The following CA13 variants were observed in gnomAD, a reference collection of about 807,000 sequenced individuals.
CA13 encodes the protein CA-XIII.
In CA13, 21 loss-of-function variants were observed where a neutral mutation model predicts 31.5. That is an observed-to-expected ratio of 0.67 (90% CI 0.47 to 0.96). CA13 has a LOEUF of 0.96. Ranked by LOEUF, CA13 falls within the 40% of genes least tolerant of loss-of-function variation. The pLI, the probability that CA13 is intolerant of heterozygous loss-of-function variation, is 0.00. For missense variants in CA13, 315 were observed against 318.9 expected (o/e 0.99, Z 0.09); for synonymous variants, 117 against 111.4 (o/e 1.05, Z -0.32).
Position 85,250,759 on chromosome 8 carries a change from A to AT in CA13, c.62dup (p.Ile23TyrfsTer3). On this transcript the variant is annotated frameshift_variant, in exon 2 of 7. Transcript: ENST00000321764. LOFTEE classifies it high-confidence loss of function. The stretch of plus-strand genomic sequence containing the variant: ...TTTAAGGTCCTATTCACTGGAAGGA[A>AT]TTTTTCCCTATTGCTGATGGTGATC... The AT allele has an allele frequency of 6.2e-7, 1 of 1,612,710 alleles. No individual in the cohort carries two copies.
rs1270969293 is a variant in CA13 at position 85,281,499 on chromosome 8, G to T, written c.*150G>T. 4 of 1,383,640 alleles carry T rather than the reference G, an allele frequency of 2.9e-6. No homozygotes were observed. The highest frequency in any genetic ancestry group is 1.5e-5 in the African/African-American group (1 of 68,378). The allele number at this position is 1,383,640 out of a possible 1,614,324, so 85.7% of individuals were successfully genotyped here. A position where few individuals can be genotyped will look rare whatever the true frequency, so the allele number is the denominator to read the frequency against. ...AGCTTCAGTGTCACAAAGAAAACCA[G>T]ATCTCTCTCTCTTTTTTTTTTATTT... is the stretch of plus-strand genomic sequence containing the variant. On this transcript the variant is annotated 3_prime_UTR_variant, in exon 7 of 7. Coordinates refer to ENST00000321764, the MANE Select transcript of CA13 (RefSeq NM_198584.3).
chr8:85,250,967 G>T, intron 2 of CA13, 30 bp downstream of exon 2: 1 of 1,535,966 alleles, frequency 6.5e-7, no homozygotes, highest in South Asian at 1.1e-5. Flanking sequence ...TGTGTGTGGT[G>T]GTGGATGAAG....
Position 85,245,833 on chromosome 8 carries a change from C to CGAGGCT in CA13, c.6_11dup (p.Arg3_Leu4dup). The CGAGGCT allele has an allele frequency of 6.2e-7, 1 of 1,614,152 alleles. No individual in the cohort carries two copies. The highest frequency in any genetic ancestry group is 8.5e-7 in the Non-Finnish European group (1 of 1,180,002). ...TTCCTTCCACCCCGAGGGACCATGT[C>CGAGGCT]GAGGCTCAGCTGGGGATACCGCGAG... is the stretch of plus-strand genomic sequence containing the variant. On this transcript the variant is annotated inframe_insertion, in exon 1 of 7. Coordinates refer to ENST00000321764, the MANE Select transcript of CA13 (RefSeq NM_198584.3).
chr8:85,268,677 C>CTTT, intron 6 of CA13, 50 bp downstream of exon 6: 64 of 974,480 alleles, frequency 6.6e-5, no homozygotes, highest in South Asian at 2.8e-4. Flanking sequence ...GGAAACTGGG[C>CTTT]TTTTTTTTTT....
rs115801295 is a variant in CA13, at chr8:85,263,118, G to A, written c.355-3490G>A. 3.8e-3 allele frequency among the ~76,000 whole-genome samples: 574 copies of A among 152,258 alleles called. 4 individuals are homozygous for A. Among genetic ancestry groups the A allele is most frequent in the African/African-American group, 0.013 (540 of 41,540 alleles). Reference sequence around the variant, plus strand: ...TCTAGAGAGACCTTTCCAGGAAGTGGGAGCAGCAAGCTCAAGTTCTCTAAG... The same window carrying A: ...TCTAGAGAGACCTTTCCAGGAAGTGAGAGCAGCAAGCTCAAGTTCTCTAAG... On this transcript the variant is annotated intron_variant, in intron 3 of 6. Coordinates refer to ENST00000321764, the MANE Select transcript of CA13 (RefSeq NM_198584.3).
chr8:85,265,170 A>G (rs986360830), intron 3 of CA13, among the ~76,000 whole-genome samples: 4 of 152,244 alleles, frequency 2.6e-5, no homozygotes, highest in Admixed American at 6.5e-5. Context: ...GAAGGCTCAC[A>G]TAAGTATTTC....
chr8:85,272,331 C>T (rs577267363), intron 6 of CA13, among the ~76,000 whole-genome samples: 1 of 152,132 alleles, frequency 6.6e-6, no homozygotes, highest in Non-Finnish European at 1.5e-5. Flanking sequence ...TCTTGGCTCA[C>T]CACAACCTCT....
At chr8:85,267,762 C>A (rs1012054082) in intron 4 of CA13, 140 bp from the exon 5 acceptor site, 1 of 508,474 alleles carries the variant, frequency 2.0e-6, no homozygotes, top group Non-Finnish European at 3.5e-6. Context: ...AAAAGAGAAG[C>A]TTTGTTGTAG....
At chr8:85,264,702 C>A (rs1807432799) in intron 3 of CA13, among the ~76,000 whole-genome samples, 1 of 152,122 alleles carries the variant, frequency 6.6e-6, no homozygotes, top group Non-Finnish European at 1.5e-5. Flanking sequence ...CTAACGAAGT[C>A]ATTCTATATC....
At chr8:85,252,904 C>T (rs1244803534) in intron 2 of CA13, among the ~76,000 whole-genome samples, 1 of 151,286 alleles carries the variant, frequency 6.6e-6, no homozygotes, top group Non-Finnish European at 1.5e-5. Flanking sequence ...CACATTTCTT[C>T]TTCATATTTG....
At chr8:85,254,428 A>G (rs1307109641) in intron 2 of CA13, among the ~76,000 whole-genome samples, 2 of 152,154 alleles carry the variant, frequency 1.3e-5, no homozygotes, top group Admixed American at 6.6e-5. Flanking sequence ...ATGAGAACCC[A>G]GGTTTCTCTC....
chr8:85,279,531 G>A (rs1807666057), intron 6 of CA13, among the ~76,000 whole-genome samples: 1 of 152,220 alleles, frequency 6.6e-6, no homozygotes, highest in Non-Finnish European at 1.5e-5. Context: ...AAGAGCTGAA[G>A]TCAGATCCAA....
intron 6 of CA13, 55 bp from the exon 7 acceptor site, chr8:85,281,175 C>G: frequency 6.3e-7 from 1 of 1,589,732 alleles, no homozygotes; most frequent in Non-Finnish European, 8.6e-7. Context: ...CAGGGTAATT[C>G]ATTAATATTG....
At chr8:85,262,046 G>A (rs1807387229) in intron 3 of CA13, among the ~76,000 whole-genome samples, 1 of 152,306 alleles carries the variant, frequency 6.6e-6, no homozygotes, top group South Asian at 2.1e-4. Flanking sequence ...TGGCCATCTT[G>A]CCTAGGCTGG....
Position 85,245,843 on chromosome 8 carries a change from C to G in CA13, c.15C>G (p.Ser5Arg). 1 of 1,614,176 alleles carries G rather than the reference C, an allele frequency of 6.2e-7. No individual in the cohort carries two copies. The highest frequency in any genetic ancestry group is 8.5e-7 in the Non-Finnish European group (1 of 1,180,012). Residue 5 changes from serine to arginine, a missense_variant, in exon 1 of 7, where the codon AGC becomes AGG. Physicochemically the swap from Ser to Arg is moderately radical, Grantham distance 110. Transcript: ENST00000321764. MSRL[S>R]WGYREHNGPI... Reference sequence around the variant, plus strand: ...CCCGAGGGACCATGTCGAGGCTCAGCTGGGGATACCGCGAGCACAACGGTG... The same window carrying G: ...CCCGAGGGACCATGTCGAGGCTCAGGTGGGGATACCGCGAGCACAACGGTG...
intron 2 of CA13, among the ~76,000 whole-genome samples, chr8:85,258,295 A>G (rs1473723825): frequency 6.6e-6 from 1 of 152,124 alleles, no homozygotes; most frequent in East Asian, 1.9e-4. Flanking sequence ...TTTTCTATTA[A>G]GAAGCTTTTC....
chr8:85,267,868 AG>A, intron 4 of CA13, 33 bp from the exon 5 acceptor site: 7 of 1,341,988 alleles, frequency 5.2e-6, no homozygotes, highest in Non-Finnish European at 7.4e-6. Flanking sequence ...GATCTGCTAC[AG>A]TAACCATTTC....
intron 6 of CA13, among the ~76,000 whole-genome samples, chr8:85,269,393 G>A (rs1807497491): frequency 6.6e-6 from 1 of 152,204 alleles, no homozygotes; most frequent in Non-Finnish European, 1.5e-5. Flanking sequence ...TGATGCTGCA[G>A]TGAGTCAGGA....
Position 85,245,492 on chromosome 8 carries a change from C to G in CA13, c.-337C>G. 2 of 324,768 alleles carry G rather than the reference C, an allele frequency of 6.2e-6. No homozygotes were observed. Among genetic ancestry groups the G allele is most frequent in the Non-Finnish European group, 1.1e-5 (2 of 175,714 alleles). 20.1% of individuals were successfully genotyped at this position (324,768 alleles called of 1,614,324 possible). A position where few individuals can be genotyped will look rare whatever the true frequency, so the allele number is the denominator to read the frequency against. On this transcript the variant is annotated 5_prime_UTR_variant, in exon 1 of 7. Coordinates refer to ENST00000321764, the MANE Select transcript of CA13 (RefSeq NM_198584.3). The stretch of plus-strand genomic sequence containing the variant: ...CTGGAAGTCCTCTAGGCAACACTTT[C>G]CTCTCCCGAGTGACGACTCCTCAGA...
Sources: gnomAD v4.1 joint callset for allele counts (sites outside exome capture counted in the v4.1 genomes callset) on GRCh38, gnomAD v4.1.1 for gene constraint, MANE v1.5 for transcripts, NCBI Gene and HGNC (gene_info 2026-07-23, HGNC 2026-07-21) for gene names.